TLN1: variants seen among roughly 807,000 people sequenced by gnomAD.
TLN1 encodes talin-1.
Under a neutral mutation model 292.3 loss-of-function variants are expected in TLN1, and 56 were observed. The observed-to-expected ratio is 0.19, with a 90% CI of 0.15 to 0.24. The LOEUF (loss-of-function observed/expected upper bound fraction) is 0.24. Among genes scored for constraint, TLN1 ranks in the 10% least tolerant of loss-of-function variants. The pLI, the probability that TLN1 is intolerant of heterozygous loss-of-function variation, is 1.00. For synonymous variants in TLN1, 1,119 were observed against 1,253.7 expected (o/e 0.89, Z 2.27); for missense variants, 2,433 against 3,248.2 (o/e 0.75, Z 6.10).
At position 35,706,595 on chromosome 9, in the gene TLN1, G is replaced by C; in HGVS notation, c.5089-44C>G. 1 of 1,603,604 alleles carries C rather than the reference G, an allele frequency of 6.2e-7. No individual in the cohort carries two copies. The highest frequency in any genetic ancestry group is 8.5e-7 in the Non-Finnish European group (1 of 1,171,698). ...TTAGCCCTGATGGTGACCTGCAATAGGACCCTCTGGCTACAAAGAACTGCT... is the reference window on the plus strand; with the variant it reads ...TTAGCCCTGATGGTGACCTGCAATACGACCCTCTGGCTACAAAGAACTGCT... On this transcript the variant is annotated intron_variant, in intron 38 of 56. Coordinates refer to ENST00000314888, the MANE Select transcript of TLN1 (RefSeq NM_006289.4). This position sits in a 1 kb window ranked among gnomAD's most constrained non-coding sequence, Gnocchi z 4.2.
At chr9:35,701,268 A>C (rs1825462860) in intron 48 of TLN1, among the ~76,000 whole-genome samples, 1 of 152,156 alleles carries the variant, frequency 6.6e-6, no homozygotes, top group Non-Finnish European at 1.5e-5. Flanking sequence ...AATGGGTTTT[A>C]AGTAGTGAAG....
In TLN1 at chr9:35,707,066, C is replaced by T. The variant is rs754178463; in HGVS notation, c.4955+6G>A. ...CCAGCCACACTGGTTCCCCATCCCT[C>T]AATACCTCATGCTTGTAATTAGCTT... On this transcript the variant is annotated splice_donor_region_variant and intron_variant, in intron 37 of 56. Transcript: ENST00000314888. The surrounding 1 kb of genome is among the most constrained non-coding windows in gnomAD (Gnocchi z 5.6). 3 of 1,612,242 alleles carry T rather than the reference C, an allele frequency of 1.9e-6. No individual in the cohort carries two copies. The South Asian group carries it at 3.3e-5, about 18-fold the overall frequency.
At chr9:35,722,023 G>T in intron 9 of TLN1, 96 bp downstream of exon 9, 1 of 1,251,472 alleles carries the variant, frequency 8.0e-7, no homozygotes. Context: ...AGGGAATGGT[G>T]GGAGATGTGA....
chr9:35,716,303 T>C, intron 20 of TLN1, 87 bp downstream of exon 20: 1 of 1,474,610 alleles, frequency 6.8e-7, no homozygotes, highest in Non-Finnish European at 9.2e-7. Context: ...TTTTCCTGGG[T>C]CTCCCTCATC....
chr9:35,725,476 G>A (rs1046213218), intron 2 of TLN1, 89 bp downstream of exon 2: 4 of 1,569,888 alleles, frequency 2.5e-6, no homozygotes, highest in African/African-American at 1.4e-5. Flanking sequence ...AGTCTTAGGG[G>A]ACAAAGGGGT....
At position 35,698,880 on chromosome 9, in the gene TLN1, G is replaced by T; in HGVS notation, c.7053C>A (p.Ser2351=). ...CCAGTGCACTGGTGGCTGCTGCAAT[G>T]GACTTGGCAGCTTCTAGTATCTGCT... ...FEEQILEAAK[S]IAAATSALVK... is the part of the protein sequence containing the mutation. Residue 2351 remains serine (S), a synonymous_variant, in exon 53 of 57, where the codon TCC becomes TCA. Coordinates refer to ENST00000314888, the MANE Select transcript of TLN1 (RefSeq NM_006289.4). This position sits in a 1 kb window ranked among gnomAD's most constrained non-coding sequence, Gnocchi z 5.3. 6.2e-7 allele frequency: 1 copy of T among 1,614,146 alleles called. No individual in the cohort carries two copies. Among genetic ancestry groups the T allele is most frequent in the African/African-American group, 1.3e-5 (1 of 75,048 alleles).
Position 35,717,446 on chromosome 9 carries a change from G to A in TLN1, c.2164-6C>T. ...CTGATTGTAGGTGCCACCACCTGTA[G>A]GTAAAGTGAATGTCAGAGACGTAGG... On this transcript the variant is annotated splice_region_variant and splice_polypyrimidine_tract_variant and intron_variant, in intron 18 of 56. Transcript: ENST00000314888. The surrounding 1 kb of genome is among the most constrained non-coding windows in gnomAD (Gnocchi z 4.7). The A allele has an allele frequency of 1.9e-6, 3 of 1,609,874 alleles. No homozygotes were observed. The highest frequency in any genetic ancestry group is 1.1e-5 in the South Asian group (1 of 90,984).
intron 1 of TLN1, among the ~76,000 whole-genome samples, chr9:35,726,794 T>C (rs1212468426): frequency 6.6e-6 from 1 of 152,190 alleles, no homozygotes; most frequent in Non-Finnish European, 1.5e-5. Context: ...AACTCTTGTG[T>C]TTTGGAGAAG....
intron 27 of TLN1, 95 bp downstream of exon 27, chr9:35,712,740 G>A (rs1485780423): frequency 9.3e-6 from 10 of 1,079,538 alleles, no homozygotes; most frequent in African/African-American, 3.1e-5. Flanking sequence ...ATCACTCTGT[G>A]AGTGTGGACG....
At chr9:35,729,566 C>A (rs1271046684) in intron 1 of TLN1, among the ~76,000 whole-genome samples, 1 of 152,148 alleles carries the variant, frequency 6.6e-6, no homozygotes, top group Non-Finnish European at 1.5e-5. Context: ...ATAACTCTGG[C>A]AGTTACCTTG....
intron 29 of TLN1, 26 bp downstream of exon 29, chr9:35,711,569 C>T (rs370471959): frequency 6.2e-7 from 1 of 1,613,260 alleles, no homozygotes. Flanking sequence ...GGGAACCATT[C>T]AACCAGACCC....
rs534591994 is a variant in TLN1, at chr9:35,731,522, A to T, written c.-34+553T>A. ...GTTTATCCTTAACACCGACCATGCC[A>T]ACATTCTTTAATCCCTCAAACAAGC... On this transcript the variant is annotated intron_variant, in intron 1 of 56. Transcript: ENST00000314888. Among the ~76,000 whole-genome samples the T allele has an allele frequency of 1.3e-3, 192 of 150,910 alleles. 1 individual carries two copies. Among genetic ancestry groups the T allele is most frequent in the African/African-American group, 4.5e-3 (184 of 41,298 alleles).
intron 1 of TLN1, among the ~76,000 whole-genome samples, chr9:35,727,057 C>G (rs1031399742): frequency 2.0e-5 from 3 of 152,196 alleles, no homozygotes; most frequent in African/African-American, 7.2e-5. Flanking sequence ...CCTGGCACCC[C>G]CTCTCAGCAG....
At chr9:35,697,947 T>C in intron 56 of TLN1, 31 bp from the exon 57 acceptor site, 1 of 1,614,004 alleles carries the variant, frequency 6.2e-7, no homozygotes, top group Non-Finnish European at 8.5e-7. Context: ...CTTAGTTCAG[T>C]GAGGATGCAC....
In TLN1 at chr9:35,712,065, G is replaced by T; in HGVS notation, c.3621C>A (p.Arg1207=). The change falls in exon 28 of 57, where the codon CGC becomes CGA. Residue 1207 remains arginine, a synonymous_variant. Coordinates refer to ENST00000314888, the MANE Select transcript of TLN1 (RefSeq NM_006289.4). ...NRCVSCLPGQ[R]DVDNALRAVG... The stretch of plus-strand genomic sequence containing the variant: ...CTGCCCTCAGGGCATTATCCACATC[G>T]CGCTGGCCAGGTAGGCAGCTGACAC... The T allele has an allele frequency of 6.2e-7, 1 of 1,614,036 alleles. No homozygotes were observed. The highest frequency in any genetic ancestry group is 8.5e-7 in the Non-Finnish European group (1 of 1,180,018).
chr9:35,728,824 T>C (rs1826021544), intron 1 of TLN1, among the ~76,000 whole-genome samples: 1 of 152,146 alleles, frequency 6.6e-6, no homozygotes, highest in Non-Finnish European at 1.5e-5. Context: ...TTTCAGTGGC[T>C]GGGGACCAAG....
At position 35,717,825 on chromosome 9, in the gene TLN1, C is replaced by G. The variant is rs113668874; in HGVS notation, c.1996-39G>C. On this transcript the variant is annotated intron_variant, in intron 17 of 56. Coordinates refer to ENST00000314888, the MANE Select transcript of TLN1 (RefSeq NM_006289.4). The surrounding 1 kb of genome is among the most constrained non-coding windows in gnomAD (Gnocchi z 4.7). The stretch of plus-strand genomic sequence containing the variant: ...GCAGTTAGCATGACCTGAGATTGGG[C>G]TTGGGATTCACAGACACTTCTCAGA... 2.9e-4 allele frequency: 463 copies of G among 1,575,720 alleles called. No individual in the cohort carries two copies. The African/African-American group carries it at 5.0e-3, about 17-fold the overall frequency.
rs764386370 is a variant in TLN1, at chr9:35,712,935, G to A, written c.3461C>T (p.Thr1154Met). Residue 1154 changes from threonine to methionine, a missense_variant, in exon 27 of 57, where the codon ACG (threonine) becomes ATG (methionine). Thr to Met is a moderately conservative substitution (Grantham distance 81). Coordinates refer to ENST00000314888, the MANE Select transcript of TLN1 (RefSeq NM_006289.4). ...DPAVQAIVLD[T>M]ASDVLDKASS... ...GGCCTTGTCCAGCACATCACTGGCC[G>A]TATCAAGTACAATGGCCTGCACTGC... The A allele has an allele frequency of 6.7e-5, 107 of 1,608,956 alleles. No homozygotes were observed. The highest frequency in any genetic ancestry group is 8.0e-5 in the Non-Finnish European group (94 of 1,177,922).
chr9:35,706,255 A>G lies in TLN1; in HGVS notation c.5302T>C (p.Leu1768=), dbSNP rs751129524. 6.2e-7 allele frequency: 1 copy of G among 1,613,416 alleles called. No homozygotes were observed. The highest frequency in any genetic ancestry group is 1.1e-5 in the South Asian group (1 of 90,984). Reference sequence around the variant, plus strand: ...AGCAACTGCAGGGCAGACTCTGCCAATGTTTTAGTCTGGTCCAGGAGTGCC... The same window carrying G: ...AGCAACTGCAGGGCAGACTCTGCCAGTGTTTTAGTCTGGTCCAGGAGTGCC... ...QMALLDQTKT[L]AESALQLLYT... is the part of the protein sequence containing the mutation. Residue 1768 remains leucine (L), a synonymous_variant, in exon 40 of 57, where the codon TTG becomes CTG. Coordinates refer to ENST00000314888, the MANE Select transcript of TLN1 (RefSeq NM_006289.4). This position sits in a 1 kb window ranked among gnomAD's most constrained non-coding sequence, Gnocchi z 4.2.
Sources: allele counts gnomAD v4.1 joint callset (sites outside exome capture counted in the v4.1 genomes callset), GRCh38; gene constraint gnomAD v4.1.1; non-coding constraint Gnocchi (gnomAD v3.1); transcripts MANE v1.5; gene names NCBI Gene and HGNC (gene_info 2026-07-23, HGNC 2026-07-21).